PLXNC1: variants seen among roughly 807,000 people sequenced by gnomAD.
PLXNC1 encodes the protein plexin C1, also known as plexin-C1.
Under a neutral mutation model 178.2 loss-of-function variants are expected in PLXNC1, and 75 were observed. That is an observed-to-expected ratio of 0.42 (90% confidence interval 0.35 to 0.51). The LOEUF (loss-of-function observed/expected upper bound fraction) is 0.51. Ranked by LOEUF, PLXNC1 falls within the 20% of genes least tolerant of loss-of-function variation. The pLI, the probability that PLXNC1 is intolerant of heterozygous loss-of-function variation, is 0.02. For missense variants in PLXNC1, 1,503 were observed against 1,984.4 expected, an observed-to-expected ratio of 0.76 and a Z score of 4.61; for synonymous variants, 790 against 779.9, an observed-to-expected ratio of 1.01 and a Z score of -0.22.
At chr12:94,229,320 A>T (rs1467095547) in intron 9 of PLXNC1, among the ~76,000 whole-genome samples, 2 of 152,178 alleles carry the variant, frequency 1.3e-5, no homozygotes, top group African/African-American at 4.8e-5. Flanking sequence ...TATCAGATAT[A>T]TCATTTGCAA....
At chr12:94,209,774 C>G (rs1391846008) in intron 5 of PLXNC1, 70 bp downstream of exon 5, 6 of 940,950 alleles carry the variant, frequency 6.4e-6, no homozygotes, top group Non-Finnish European at 8.6e-6. Flanking sequence ...TAAATTTCTT[C>G]TGTGTGTAAA....
chr12:94,259,584 A>G lies in PLXNC1; in HGVS notation c.3127-26A>G, dbSNP rs900286402. The G allele has an allele frequency of 6.0e-6, 9 of 1,506,734 alleles. No homozygotes were observed. In the African/African-American group the frequency reaches 8.6e-5, roughly 14 times the overall value. 93.3% of individuals were successfully genotyped at this position (1,506,734 alleles called of 1,614,324 possible). On this transcript the variant is annotated intron_variant, in intron 18 of 30. Coordinates refer to ENST00000258526, the MANE Select transcript of PLXNC1 (RefSeq NM_005761.3). ...AAACTTATATATGATTTTGTATTAT[A>G]CTATATATTTTTTTCTTTTTATCAG...
chr12:94,253,184 C>G (rs1399576139), intron 15 of PLXNC1, among the ~76,000 whole-genome samples: 1 of 134,628 alleles, frequency 7.4e-6, no homozygotes, highest in Non-Finnish European at 1.5e-5. Flanking sequence ...GCACTCCCGC[C>G]TGGCCACAGA....
chr12:94,217,189 G>T (rs1963670278), intron 5 of PLXNC1, among the ~76,000 whole-genome samples: 1 of 152,172 alleles, frequency 6.6e-6, no homozygotes, highest in Non-Finnish European at 1.5e-5. Context: ...TAACTTGGCT[G>T]TTAGCCAGCA....
chr12:94,269,856 C>T (rs140450251), intron 21 of PLXNC1, among the ~76,000 whole-genome samples: 1 of 152,178 alleles, frequency 6.6e-6, no homozygotes, highest in Non-Finnish European at 1.5e-5. Flanking sequence ...AAGAGTGAAA[C>T]CACTTTTTAC....
intron 4 of PLXNC1, among the ~76,000 whole-genome samples, chr12:94,200,057 T>C (rs1963063412): frequency 6.6e-6 from 1 of 152,206 alleles, no homozygotes; most frequent in South Asian, 2.1e-4. Context: ...CCTCCCAAAC[T>C]GCTGGGATTA....
intron 21 of PLXNC1, among the ~76,000 whole-genome samples, chr12:94,269,136 T>C (rs1324401072): frequency 6.6e-6 from 1 of 152,132 alleles, no homozygotes; most frequent in Non-Finnish European, 1.5e-5. Context: ...CAAGAGAAGG[T>C]TGACTTGTAA....
At chr12:94,202,162 T>G (rs1963151244) in intron 4 of PLXNC1, among the ~76,000 whole-genome samples, 1 of 152,204 alleles carries the variant, frequency 6.6e-6, no homozygotes, top group African/African-American at 2.4e-5. Context: ...TCCTTTCTAC[T>G]ATATCTTTGG....
chr12:94,209,438 C>T, intron 4 of PLXNC1, 152 bp from the exon 5 acceptor site: 2 of 604,092 alleles, frequency 3.3e-6, no homozygotes, highest in Non-Finnish European at 6.0e-6. Flanking sequence ...GCATCATGTT[C>T]CTATTCTCGC....
chr12:94,198,907 A>C (rs142348360), intron 4 of PLXNC1, among the ~76,000 whole-genome samples: 4 of 152,290 alleles, frequency 2.6e-5, no homozygotes, highest in African/African-American at 9.6e-5. Flanking sequence ...ATTTCTACAT[A>C]AGGTCACGTT....
chr12:94,191,284 T>A (rs964681499), intron 4 of PLXNC1, among the ~76,000 whole-genome samples: 4 of 152,224 alleles, frequency 2.6e-5, no homozygotes, highest in African/African-American at 9.7e-5. Context: ...CCAGTACCAT[T>A]CAAAATTAGG....
At chr12:94,279,439 A>G in intron 21 of PLXNC1, 33 bp from the exon 22 acceptor site, 1 of 1,583,818 alleles carries the variant, frequency 6.3e-7, no homozygotes, top group Non-Finnish European at 8.6e-7. Context: ...GCAATTATCT[A>G]ATAGACTTGG....
chr12:94,293,581 G>A (rs1460167459), intron 23 of PLXNC1, among the ~76,000 whole-genome samples: 5 of 152,136 alleles, frequency 3.3e-5, no homozygotes, highest in East Asian at 3.9e-4. Flanking sequence ...CTTGTGTAGT[G>A]GAAAGCAGAG....
At chr12:94,278,017 G>A (rs1443121086) in intron 21 of PLXNC1, 1 of 455,944 alleles carries the variant, frequency 2.2e-6, no homozygotes. Flanking sequence ...CCTGGCTAGT[G>A]TCCACAGTAC....
chr12:94,178,990 G>A (rs1204044810), intron 2 of PLXNC1, among the ~76,000 whole-genome samples: 1 of 152,120 alleles, frequency 6.6e-6, no homozygotes, highest in Non-Finnish European at 1.5e-5. Context: ...GCAGTCCAAG[G>A]GCTTCAAGTG....
intron 2 of PLXNC1, among the ~76,000 whole-genome samples, chr12:94,180,043 C>T (rs1412827560): frequency 6.6e-6 from 1 of 152,088 alleles, no homozygotes. Context: ...TTCGAGTCTC[C>T]CGATGGCTCT....
chr12:94,186,286 C>T, intron 3 of PLXNC1, 87 bp from the exon 4 acceptor site: 2 of 911,448 alleles, frequency 2.2e-6, no homozygotes, highest in South Asian at 2.7e-5. Context: ...TAAATAGGCT[C>T]TTTTTGGCCC....
intron 4 of PLXNC1, among the ~76,000 whole-genome samples, chr12:94,195,223 G>A (rs939280694): frequency 6.6e-6 from 1 of 152,118 alleles, no homozygotes; most frequent in Non-Finnish European, 1.5e-5. Context: ...TGGCAGTGTG[G>A]AAGATGAACC....
At chr12:94,279,451 A>C (rs1255696285) in intron 21 of PLXNC1, 21 bp from the exon 22 acceptor site, 1 of 1,593,646 alleles carries the variant, frequency 6.3e-7, no homozygotes, top group Non-Finnish European at 8.6e-7. Context: ...TAGACTTGGA[A>C]ACCTGTTTGT....
Sources: allele counts gnomAD v4.1 joint callset (sites outside exome capture counted in the v4.1 genomes callset), GRCh38; gene constraint gnomAD v4.1.1; transcripts MANE v1.5; gene names NCBI Gene and HGNC (gene_info 2026-07-23, HGNC 2026-07-21).